UNC79: variants seen among roughly 807,000 people sequenced by gnomAD.
The protein encoded by UNC79 is unc-79 subunit of NALCN channel complex.
A neutral mutation model predicts 283.1 loss-of-function variants in UNC79; 37 were observed. The observed-to-expected ratio is 0.13, with a 90% CI of 0.10 to 0.17. UNC79 has a LOEUF of 0.17. Ranked by LOEUF, UNC79 falls within the 10% of genes least tolerant of loss-of-function variation. The pLI, the probability that UNC79 is intolerant of heterozygous loss-of-function variation, is 1.00. For synonymous variants in UNC79, 1,107 were observed against 1,200.2 expected, an observed-to-expected ratio of 0.92 and a Z score of 1.61; for missense variants, 2,272 against 3,211.1, an observed-to-expected ratio of 0.71 and a Z score of 7.07.
Position 93,688,594 on chromosome 14 carries a change from T to G in UNC79, c.6910-71T>G. Reference sequence around the variant, plus strand: ...AAGCGGGGTGGAAATGACAACCTCTTCTTTTCAAAGAATGGCCTGGAATGA... The same window carrying G: ...AAGCGGGGTGGAAATGACAACCTCTGCTTTTCAAAGAATGGCCTGGAATGA... On this transcript the variant is annotated intron_variant, in intron 43 of 48. Coordinates refer to ENST00000555664, the Ensembl canonical transcript of UNC79. This position sits in a 1 kb window ranked among gnomAD's most constrained non-coding sequence, Gnocchi z 4.0. 1.9e-6 allele frequency: 3 copies of G among 1,541,986 alleles called. No individual in the cohort carries two copies.
At chr14:93,383,991 C>T (rs1051555827) in intron 1 of UNC79, among the ~76,000 whole-genome samples, 2 of 152,162 alleles carry the variant, frequency 1.3e-5, no homozygotes, top group Non-Finnish European at 2.9e-5. Context: ...TGAGGCCTCC[C>T]CAGCCATGTG....
intron 20 of UNC79, 72 bp from the exon 21 acceptor site, chr14:93,586,524 A>T: frequency 2.9e-6 from 4 of 1,384,974 alleles, no homozygotes; most frequent in Non-Finnish European, 4.0e-6. Context: ...GGTTTTTATG[A>T]TCTTGATAAA....
At chr14:93,483,091 A>G (rs1434171080) in intron 4 of UNC79, among the ~76,000 whole-genome samples, 1 of 151,970 alleles carries the variant, frequency 6.6e-6, no homozygotes, top group East Asian at 1.9e-4. Context: ...CCTTCTCCCA[A>G]ATGGTCTCAT....
At chr14:93,371,534 G>A (rs1339124903) in intron 1 of UNC79, among the ~76,000 whole-genome samples, 1 of 152,096 alleles carries the variant, frequency 6.6e-6, no homozygotes, top group Non-Finnish European at 1.5e-5. Context: ...CTTCTTACCT[G>A]TAGAAGAACA....
At chr14:93,412,765 A>T (rs1163574214) in intron 1 of UNC79, among the ~76,000 whole-genome samples, 3 of 152,068 alleles carry the variant, frequency 2.0e-5, no homozygotes, top group Non-Finnish European at 1.5e-5. Context: ...GGAAAAATAC[A>T]TATATCCTAG....
At chr14:93,606,045 T>A (rs12886158) in intron 26 of UNC79, among the ~76,000 whole-genome samples, 3 of 152,036 alleles carry the variant, frequency 2.0e-5, no homozygotes, top group African/African-American at 4.8e-5. Flanking sequence ...GCAGTTCCCC[T>A]TCAGTGAGGC....
rs1188344001 is a variant in UNC79 at position 93,357,878 on chromosome 14, T to TATATATGG, written c.-351+24365_-351+24372dup. 1.0e-3 allele frequency among the ~76,000 whole-genome samples: 49 copies of TATATATGG among 47,706 alleles called. 6 individuals carry two copies. In the East Asian group the frequency reaches 0.016, roughly 15 times the overall value. The allele number at this position is 47,706 out of a possible 152,430, so 31.3% of individuals were successfully genotyped here. ...GGATATATATATGGATATATGGATA[T>TATATATGG]ATATATGGATATATGGAGATATATA... On this transcript the variant is annotated intron_variant, in intron 1 of 49. Coordinates refer to the UNC79 transcript ENST00000256339.
chr14:93,388,517 C>T (rs955548640), intron 1 of UNC79, among the ~76,000 whole-genome samples: 2 of 152,148 alleles, frequency 1.3e-5, no homozygotes, highest in African/African-American at 4.8e-5. Flanking sequence ...ATTGTATATG[C>T]ACTTTTAATG....
intron 17 of UNC79, 120 bp from the exon 18 acceptor site, chr14:93,577,722 G>T: frequency 1.0e-6 from 1 of 958,072 alleles, no homozygotes; most frequent in Non-Finnish European, 1.6e-6. Context: ...TAATGCCATT[G>T]GTTAAGGAAA....
At chr14:93,395,962 C>T (rs982781397) in intron 1 of UNC79, among the ~76,000 whole-genome samples, 1 of 152,062 alleles carries the variant, frequency 6.6e-6, no homozygotes, top group Non-Finnish European at 1.5e-5. Context: ...AATATTTCTT[C>T]AGATATTCTT....
chr14:93,422,480 A>T (rs1160888019), intron 1 of UNC79, among the ~76,000 whole-genome samples: 2 of 152,078 alleles, frequency 1.3e-5, no homozygotes, highest in Non-Finnish European at 2.9e-5. Flanking sequence ...TGAATTCCAA[A>T]AGGAAGGAGG....
intron 5 of UNC79, among the ~76,000 whole-genome samples, chr14:93,490,132 C>A (rs59116131): frequency 0.077 from 11,693 of 152,190 alleles, 506 homozygotes; most frequent in Middle Eastern, 0.14. Flanking sequence ...CCTCTGAAAC[C>A]ATTTCTCCCC....
intron 14 of UNC79, among the ~76,000 whole-genome samples, chr14:93,570,875 TA>T (rs1220595849): frequency 1.3e-5 from 2 of 152,230 alleles, no homozygotes; most frequent in African/African-American, 4.8e-5. Flanking sequence ...GGCTTGACCA[TA>T]AACTACATAG....
At chr14:93,400,158 A>G (rs2055078550) in intron 1 of UNC79, among the ~76,000 whole-genome samples, 1 of 152,070 alleles carries the variant, frequency 6.6e-6, no homozygotes, top group African/African-American at 2.4e-5. Flanking sequence ...TGTTTTTGGG[A>G]GAAATATTTT....
chr14:93,627,365 C>A (rs769286559), intron 30 of UNC79, among the ~76,000 whole-genome samples: 3 of 152,174 alleles, frequency 2.0e-5, no homozygotes, highest in South Asian at 2.1e-4. Context: ...GCTAAGACAA[C>A]CATCAGTGAC....
intron 31 of UNC79, among the ~76,000 whole-genome samples, chr14:93,631,880 G>T (rs2068063636): frequency 6.6e-6 from 1 of 152,166 alleles, no homozygotes; most frequent in Non-Finnish European, 1.5e-5. Context: ...AACACCGCTT[G>T]TTCTCCAGGA....
intron 43 of UNC79, among the ~76,000 whole-genome samples, chr14:93,686,885 CT>C (rs2074283043): frequency 6.6e-6 from 1 of 152,194 alleles, no homozygotes; most frequent in African/African-American, 2.4e-5. Flanking sequence ...CATAGCTTTA[CT>C]TTTGCCATAT....
At chr14:93,466,223 G>A (rs960944534) in intron 1 of UNC79, among the ~76,000 whole-genome samples, 7 of 152,168 alleles carry the variant, frequency 4.6e-5, no homozygotes, top group African/African-American at 1.7e-4. Context: ...ACCATATTAT[G>A]GAAATAGTTC....
chr14:93,583,153 C>T (rs576380290), intron 20 of UNC79, among the ~76,000 whole-genome samples: 8 of 152,092 alleles, frequency 5.3e-5, no homozygotes, highest in Non-Finnish European at 1.2e-4. Flanking sequence ...GAAACCCTGT[C>T]TCTACTAAAA....
Sources: gnomAD v4.1 joint callset for allele counts (sites outside exome capture counted in the v4.1 genomes callset) on GRCh38, gnomAD v4.1.1 for gene constraint, Gnocchi (gnomAD v3.1) non-coding constraint, MANE v1.5 for transcripts, NCBI Gene and HGNC (gene_info 2026-07-23, HGNC 2026-07-21) for gene names.